TMCC2: variants seen among roughly 807,000 people sequenced by gnomAD.
TMCC2 encodes the protein transmembrane and coiled-coil domains protein 2.
In TMCC2, 16 loss-of-function variants were observed where a neutral mutation model predicts 49.4. The ratio of observed to expected loss-of-function variants is 0.32; its 90% CI spans 0.22 to 0.49. The LOEUF (loss-of-function observed/expected upper bound fraction) is 0.49. TMCC2 is among the 20% of genes least tolerant of loss of function. The pLI is 0.99. For synonymous variants in TMCC2, 397 were observed against 434.1 expected (o/e 0.91, Z 1.06); for missense variants, 762 against 989.8 (o/e 0.77, Z 3.09).
At chr1:205,229,488 A>G (rs960297626) in intron 1 of TMCC2, 27 of 338,866 alleles carry the variant, frequency 8.0e-5, no homozygotes, top group Non-Finnish European at 9.7e-5. Flanking sequence ...GCCGGGCCCC[A>G]TTGGGATCTT....
chr1:205,240,684 A>G (rs1295838073), intron 1 of TMCC2, among the ~76,000 whole-genome samples: 1 of 152,168 alleles, frequency 6.6e-6, no homozygotes, highest in Non-Finnish European at 1.5e-5. Context: ...GGGCTCCACC[A>G]TCTGTGTGCA....
chr1:205,270,803 C>G (rs1327314225), intron 3 of TMCC2, among the ~76,000 whole-genome samples: 1 of 152,164 alleles, frequency 6.6e-6, no homozygotes, highest in Non-Finnish European at 1.5e-5. Flanking sequence ...CTGCGTGATC[C>G]TAGGCAGGCT....
intron 3 of TMCC2, 123 bp from the exon 4 acceptor site, chr1:205,270,997 A>G (rs1177457962): frequency 1.1e-5 from 15 of 1,366,774 alleles, no homozygotes; most frequent in Non-Finnish European, 1.5e-5. Flanking sequence ...ATTAGAACAG[A>G]GCAGAGCTGG....
intron 1 of TMCC2, among the ~76,000 whole-genome samples, chr1:205,234,995 T>C (rs558747690): frequency 1.3e-5 from 2 of 152,198 alleles, no homozygotes; most frequent in East Asian, 1.9e-4. Flanking sequence ...GGACATTTAT[T>C]ACCAAACAAG....
intron 2 of TMCC2, among the ~76,000 whole-genome samples, chr1:205,263,410 C>T (rs1346622359): frequency 2.6e-5 from 4 of 152,082 alleles, no homozygotes; most frequent in Non-Finnish European, 4.4e-5. Context: ...ACAGTCTGGC[C>T]GAGTGCAGCT....
intron 2 of TMCC2, among the ~76,000 whole-genome samples, chr1:205,266,240 C>CAAAA (rs35034505): frequency 2.0e-5 from 1 of 49,268 alleles, no homozygotes; most frequent in African/African-American, 7.4e-5. Context: ...GACTCTGTCT[C>CAAAA]AAAAAAAAAA....
intron 2 of TMCC2, among the ~76,000 whole-genome samples, chr1:205,254,466 GCAGA>G (rs1660784269): frequency 6.6e-6 from 1 of 152,150 alleles, no homozygotes; most frequent in Non-Finnish European, 1.5e-5. Context: ...TGCATCCTTG[GCAGA>G]TTTGGGAACA....
rs181217678 is a variant in TMCC2, at chr1:205,271,171, C to A, written c.1734C>A (p.Asn578Lys). Reference protein sequence around the residue: ...QLNDLTELHQNEMTNLKQELA... With the variant: ...QLNDLTELHQKEMTNLKQELA... ...ACGACCTGACTGAGCTTCATCAGAA[C>A]GAGATGACGAACCTGAAGCAGGAGC... The change falls in exon 4 of 5, where the codon AAC becomes AAA. Residue 578 changes from asparagine to lysine, a missense_variant. Around this residue, in one of 2 missense-constraint regions of TMCC2, gnomAD observed 440 missense variants for 636.7 expected, o/e 0.69. Coordinates refer to ENST00000358024, the MANE Select transcript of TMCC2 (RefSeq NM_014858.4). The A allele has an allele frequency of 1.2e-6, 2 of 1,613,924 alleles. No individual in the cohort carries two copies. The highest frequency in any genetic ancestry group is 8.5e-7 in the Non-Finnish European group (1 of 1,180,048).
At chr1:205,235,704 G>A (rs1187554661) in intron 1 of TMCC2, among the ~76,000 whole-genome samples, 1 of 152,222 alleles carries the variant, frequency 6.6e-6, no homozygotes, top group Non-Finnish European at 1.5e-5. Context: ...AAACACTTAA[G>A]TCTCTCTTCG....
At chr1:205,235,366 C>T (rs1659996596) in intron 1 of TMCC2, among the ~76,000 whole-genome samples, 1 of 152,166 alleles carries the variant, frequency 6.6e-6, no homozygotes, top group South Asian at 2.1e-4. Context: ...CTGGCAGGCT[C>T]AGTATTTACA....
intron 2 of TMCC2, among the ~76,000 whole-genome samples, chr1:205,244,270 G>T (rs1479589714): frequency 2.0e-5 from 3 of 152,192 alleles, no homozygotes; most frequent in Admixed American, 2.0e-4. Flanking sequence ...GTCCCTATTA[G>T]GCAGAGATCG....
rs967711503 is a variant in TMCC2, at chr1:205,229,387, C to T, written c.207+616C>T. On this transcript the variant is annotated intron_variant, in intron 1 of 4. Coordinates refer to ENST00000358024, the MANE Select transcript of TMCC2 (RefSeq NM_014858.4). ...TATTTTTAGTAGAGACGGGGTTTCG[C>T]CATGTTGGCCAGGCTGGTCTTGAAC... is the stretch of plus-strand genomic sequence containing the variant. 3.0e-4 allele frequency among the ~76,000 whole-genome samples: 46 copies of T among 151,884 alleles called. No homozygotes were observed. In the East Asian group the frequency reaches 7.0e-3, roughly 23 times the overall value.
intron 2 of TMCC2, among the ~76,000 whole-genome samples, chr1:205,251,284 C>T (rs139811649): frequency 1.3e-5 from 2 of 152,314 alleles, no homozygotes; most frequent in Non-Finnish European, 2.9e-5. Context: ...CCTCCCTTCT[C>T]TGTCCAGGGA....
Position 205,255,382 on chromosome 1 carries a change from G to A in TMCC2, c.747+13338G>A, listed in dbSNP as rs187532835. Among the ~76,000 whole-genome samples the A allele has an allele frequency of 9.2e-5, 14 of 152,056 alleles. No individual in the cohort carries two copies. In the East Asian group the frequency reaches 1.9e-3, roughly 21 times the overall value. On this transcript the variant is annotated intron_variant, in intron 2 of 4. Coordinates refer to ENST00000358024, the MANE Select transcript of TMCC2 (RefSeq NM_014858.4). Reference sequence around the variant, plus strand: ...ATCCTGGCCAACGTGGTGAAACCTCGTCTCTGTACTAAAAATACAAAAATT... The same window carrying A: ...ATCCTGGCCAACGTGGTGAAACCTCATCTCTGTACTAAAAATACAAAAATT...
Position 205,269,130 on chromosome 1 carries a change from C to T in TMCC2, c.928C>T (p.Arg310Cys), listed in dbSNP as rs1040976052. 6 of 1,614,094 alleles carry T rather than the reference C, an allele frequency of 3.7e-6. No homozygotes were observed. The highest frequency in any genetic ancestry group is 5.1e-6 in the Non-Finnish European group (6 of 1,180,036). Residue 310 changes from arginine to cysteine, a missense_variant, in exon 3 of 5, where the codon CGC becomes TGC. Coordinates refer to ENST00000358024, the MANE Select transcript of TMCC2 (RefSeq NM_014858.4). ...GCAGATCAAGATTGAGCAGGAGGCT[C>T]GCGACGACAATGTGGCAGAGTATCT... Reference protein sequence around the residue: ...TEQIKIEQEARDDNVAEYLKL... With the variant: ...TEQIKIEQEACDDNVAEYLKL...
rs759707420 is a variant in TMCC2 at position 205,241,800 on chromosome 1, A to C, written c.503A>C (p.His168Pro). The C allele has an allele frequency of 6.2e-7, 1 of 1,608,006 alleles. No homozygotes were observed. The highest frequency in any genetic ancestry group is 1.1e-5 in the South Asian group (1 of 90,566). ...RPSIKRGASL[H>P]SSSGGGSSGS... ...TCCATCAAGCGGGGCGCCAGCCTGCACAGCAGCAGTGGGGGCGGCAGCAGC... is the reference window on the plus strand; with the variant it reads ...TCCATCAAGCGGGGCGCCAGCCTGCCCAGCAGCAGTGGGGGCGGCAGCAGC... Residue 168 changes from histidine (H) to proline (P), a missense_variant, in exon 2 of 5, where the codon CAC (histidine) becomes CCC (proline). Around this residue, in one of 2 missense-constraint regions of TMCC2, gnomAD observed 322 missense variants for 353.1 expected, o/e 0.91. Transcript: ENST00000358024. This position sits in a 1 kb window ranked among gnomAD's most constrained non-coding sequence, Gnocchi z 7.3.
At chr1:205,247,139 C>A (rs946507661) in intron 2 of TMCC2, among the ~76,000 whole-genome samples, 1 of 152,182 alleles carries the variant, frequency 6.6e-6, no homozygotes, top group African/African-American at 2.4e-5. Context: ...TTCTTTAGAA[C>A]CCTCAGCTTT....
intron 2 of TMCC2, among the ~76,000 whole-genome samples, chr1:205,255,223 A>T (rs1159196426): frequency 2.0e-5 from 3 of 149,604 alleles, no homozygotes; most frequent in African/African-American, 7.5e-5. Flanking sequence ...AAAAAAAAAA[A>T]TCCTAGCTTG....
At chr1:205,257,991 A>G (rs1204250730) in intron 2 of TMCC2, among the ~76,000 whole-genome samples, 3 of 152,178 alleles carry the variant, frequency 2.0e-5, no homozygotes, top group African/African-American at 4.8e-5. Flanking sequence ...TGTAGTTTTC[A>G]TCAGAACTGA....
Sources: allele counts gnomAD v4.1 joint callset (sites outside exome capture counted in the v4.1 genomes callset), GRCh38; gene constraint gnomAD v4.1.1; regional missense constraint gnomAD v4.1.1; non-coding constraint Gnocchi (gnomAD v3.1); transcripts MANE v1.5; gene names NCBI Gene and HGNC (gene_info 2026-07-23, HGNC 2026-07-21).